Variants in PCDH15 observed in about 807,000 individuals in gnomAD.
PCDH15 encodes protocadherin-15.
Under a neutral mutation model 178.5 loss-of-function variants are expected in PCDH15, and 129 were observed. The ratio of observed to expected loss-of-function variants is 0.72; its 90% CI spans 0.63 to 0.84. The LOEUF (loss-of-function observed/expected upper bound fraction) is 0.84, where lower values mean the gene tolerates loss of function less well. Ranked by LOEUF, PCDH15 falls within the 40% of genes least tolerant of loss-of-function variation. PCDH15 has a pLI of 0.00. For synonymous variants in PCDH15, 800 were observed against 732.0 expected, an observed-to-expected ratio of 1.09 and a Z score of -1.50; for missense variants, 2,230 against 2,099.9, an observed-to-expected ratio of 1.06 and a Z score of -1.21.
intron 13 of PCDH15, among the ~76,000 whole-genome samples, chr10:54,181,956 GTTTT>G (rs1169488521): frequency 6.6e-6 from 1 of 151,864 alleles, no homozygotes; most frequent in African/African-American, 2.4e-5. Flanking sequence ...TTGTTTGTTT[GTTTT>G]TTGTGTTTTT....
chr10:55,378,533 T>G (rs1837453402), intron 2 of PCDH15, among the ~76,000 whole-genome samples: 1 of 152,154 alleles, frequency 6.6e-6, no homozygotes, highest in Non-Finnish European at 1.5e-5. Context: ...GCTTAACTTT[T>G]TATGGAACTA....
chr10:55,300,153 T>C (rs1224591512), intron 1 of PCDH15, among the ~76,000 whole-genome samples: 1 of 152,186 alleles, frequency 6.6e-6, no homozygotes, highest in Non-Finnish European at 1.5e-5. Context: ...ATCCAGAGTT[T>C]ACCCTACATT....
intron 1 of PCDH15, among the ~76,000 whole-genome samples, chr10:54,719,396 G>A (rs67013415): frequency 0.12 from 18,479 of 151,920 alleles, 1,228 homozygotes; most frequent in African/African-American, 0.17. Flanking sequence ...CAAACTGTAA[G>A]TATTCCAGAG....
chr10:55,002,105 A>G (rs1435181468), intron 2 of PCDH15, among the ~76,000 whole-genome samples: 2 of 152,198 alleles, frequency 1.3e-5, no homozygotes, highest in Non-Finnish European at 2.9e-5. Context: ...GTACCTAGAA[A>G]CTGATCTTGG....
chr10:54,190,530 A>G (rs1193984699), intron 11 of PCDH15, among the ~76,000 whole-genome samples: 1 of 152,162 alleles, frequency 6.6e-6, no homozygotes, highest in Non-Finnish European at 1.5e-5. Context: ...CAGCCTTTCA[A>G]TTAGTGAGAC....
chr10:54,482,765 C>T (rs1026700786), intron 3 of PCDH15, among the ~76,000 whole-genome samples: 13 of 151,832 alleles, frequency 8.6e-5, no homozygotes, highest in African/African-American at 3.1e-4. Flanking sequence ...TATATCACCC[C>T]TCACACATCA....
At chr10:55,172,955 G>A (rs7095862) in intron 1 of PCDH15, among the ~76,000 whole-genome samples, 4 of 151,840 alleles carry the variant, frequency 2.6e-5, no homozygotes, top group African/African-American at 9.7e-5. Flanking sequence ...TACAAAAAAG[G>A]TTTGTTTTAT....
chr10:54,317,716 G>A (rs1170195884), intron 7 of PCDH15, among the ~76,000 whole-genome samples: 1 of 151,944 alleles, frequency 6.6e-6, no homozygotes, highest in Non-Finnish European at 1.5e-5. Context: ...AAGTTGCAGT[G>A]AGCCAAGATC....
intron 1 of PCDH15, among the ~76,000 whole-genome samples, chr10:54,698,043 A>G (rs2095259626): frequency 6.6e-6 from 1 of 152,072 alleles, no homozygotes; most frequent in Non-Finnish European, 1.5e-5. Context: ...GTAATGAAGC[A>G]GTCAAGAGGA....
intron 26 of PCDH15, among the ~76,000 whole-genome samples, chr10:53,887,792 G>A (rs1331516727): frequency 6.6e-6 from 1 of 152,182 alleles, no homozygotes; most frequent in Non-Finnish European, 1.5e-5. Flanking sequence ...GGGAGGCCAA[G>A]GCAGGAGAAT....
chr10:54,667,294 C>T (rs777737429), intron 1 of PCDH15, among the ~76,000 whole-genome samples: 9 of 151,892 alleles, frequency 5.9e-5, no homozygotes, highest in East Asian at 5.8e-4. Context: ...CACATCAACC[C>T]GATACCCCAA....
chr10:54,240,583 A>C (rs1317376343), intron 8 of PCDH15, among the ~76,000 whole-genome samples: 1 of 150,728 alleles, frequency 6.6e-6, no homozygotes, highest in Non-Finnish European at 1.5e-5. Flanking sequence ...TCTCTTAGAG[A>C]CATTTACTTA....
At chr10:54,518,347 C>A (rs1443932815) in intron 3 of PCDH15, among the ~76,000 whole-genome samples, 2 of 149,498 alleles carry the variant, frequency 1.3e-5, no homozygotes, top group Non-Finnish European at 3.0e-5. Context: ...AGAGAAGAAT[C>A]AAATAGACGC....
intron 1 of PCDH15, among the ~76,000 whole-genome samples, chr10:55,292,000 A>G (rs887434121): frequency 4.6e-5 from 7 of 152,110 alleles, no homozygotes; most frequent in African/African-American, 1.7e-4. Context: ...CTCACAACAC[A>G]TGGGAATTCA....
chr10:54,793,978 T>C (rs1453126118), intron 1 of PCDH15, among the ~76,000 whole-genome samples: 1 of 148,688 alleles, frequency 6.7e-6, no homozygotes, highest in Non-Finnish European at 1.5e-5. Context: ...CTTTTTTTTT[T>C]CATTATACTC....
chr10:54,966,493 C>A (rs146308792), intron 2 of PCDH15, among the ~76,000 whole-genome samples: 68 of 152,172 alleles, frequency 4.5e-4, no homozygotes, highest in Non-Finnish European at 9.4e-4. Context: ...AGGCTACCAA[C>A]TTATACAGTA....
At chr10:53,849,350 T>A (rs1006584750) in intron 28 of PCDH15, among the ~76,000 whole-genome samples, 1 of 152,074 alleles carries the variant, frequency 6.6e-6, no homozygotes, top group Non-Finnish European at 1.5e-5. Context: ...TGTATATATA[T>A]TTTTTCCAAA....
At chr10:55,417,991 A>G (rs1003653107) in intron 2 of PCDH15, among the ~76,000 whole-genome samples, 2 of 151,878 alleles carry the variant, frequency 1.3e-5, no homozygotes, top group Admixed American at 6.6e-5. Flanking sequence ...AAAATGAGAA[A>G]CAACTTTTAA....
chr10:54,339,129 G>C lies in PCDH15; in HGVS notation c.594+7236C>G, dbSNP rs1480690692. Among the ~76,000 whole-genome samples, 3 of 152,308 alleles carry C rather than the reference G, an allele frequency of 2.0e-5. No homozygotes were observed. The East Asian group carries it at 5.8e-4, about 29-fold the overall frequency. On this transcript the variant is annotated intron_variant, in intron 6 of 37. Coordinates refer to ENST00000644397, the MANE Select transcript of PCDH15 (RefSeq NM_001384140.1). ...GCTACATGGGGCCCAGGTTGGCTCT[G>C]AATGTGGCCCAACACAAACATGTAA...
Sources: allele counts gnomAD v4.1 joint callset (sites outside exome capture counted in the v4.1 genomes callset), GRCh38; gene constraint gnomAD v4.1.1; transcripts MANE v1.5; gene names NCBI Gene and HGNC (gene_info 2026-07-23, HGNC 2026-07-21).